Variants in ADPRHL1 observed in about 807,000 individuals in gnomAD.
The protein encoded by ADPRHL1 is inactive ADP-ribosyltransferase ARH2.
A neutral mutation model predicts 44.1 loss-of-function variants in ADPRHL1; 43 were observed. That is an observed-to-expected ratio of 0.98 (90% CI 0.76 to 1.26). The LOEUF is 1.26. Ranked by LOEUF, ADPRHL1 falls within the 50% of genes most tolerant of loss-of-function variation. ADPRHL1 has a pLI of 0.00. For missense variants in ADPRHL1, 2,022 were observed against 2,496.9 expected (o/e 0.81, Z 4.05); for synonymous variants, 878 against 1,017.4 (o/e 0.86, Z 2.61).
At chr13:113,411,921 C>T (rs894262926) in intron 7 of ADPRHL1, among the ~76,000 whole-genome samples, 2 of 152,228 alleles carry the variant, frequency 1.3e-5, no homozygotes, top group African/African-American at 4.8e-5. Context: ...CCTGGGCTGC[C>T]CCTTCTCGTC....
At chr13:113,419,642 C>T (rs753602734) in intron 7 of ADPRHL1, among the ~76,000 whole-genome samples, 1 of 152,086 alleles carries the variant, frequency 6.6e-6, no homozygotes, top group Non-Finnish European at 1.5e-5. Flanking sequence ...TTGCAAATGC[C>T]ACTCACGCGA....
chr13:113,449,382 T>C (rs1333424316), intron 1 of ADPRHL1: 1 of 226,300 alleles, frequency 4.4e-6, no homozygotes, highest in South Asian at 1.3e-4. Context: ...AGGGACCCTG[T>C]TCAGAGAGGC....
rs533507871 is a variant in ADPRHL1 at position 113,429,071 on chromosome 13, G to T, written c.527C>A (p.Thr176Lys). 1.9e-6 allele frequency: 3 copies of T among 1,611,658 alleles called. No individual in the cohort carries two copies. Among genetic ancestry groups the T allele is most frequent in the Non-Finnish European group, 2.5e-6 (3 of 1,179,570 alleles). ...TGCGGCGAACGACACAAACAGGGCCGTGCACAGGGAGCCCAGGAAGCCTGG... is the reference window on the plus strand; with the variant it reads ...TGCGGCGAACGACACAAACAGGGCCTTGCACAGGGAGCCCAGGAAGCCTGG... ...HPTGFLGSLC[T>K]ALFVSFAAQG... is the part of the protein sequence containing the mutation. The change falls in exon 4 of 8, where the codon ACG becomes AAG. Residue 176 changes from threonine (T) to lysine (K), a missense_variant. Transcript: ENST00000612156.
rs1327288374 is a variant in ADPRHL1, at chr13:113,441,600, ATTATTT to A, written c.379+2819_379+2824del. Among the ~76,000 whole-genome samples the A allele has an allele frequency of 1.3e-5, 2 of 152,176 alleles. No individual in the cohort carries two copies. The highest frequency in any genetic ancestry group is 4.8e-5 in the African/African-American group (2 of 41,428). On this transcript the variant is annotated intron_variant, in intron 2 of 7. Coordinates refer to ENST00000612156, the MANE Select transcript of ADPRHL1 (RefSeq NM_001394807.1). This position sits in a 1 kb window ranked among gnomAD's most constrained non-coding sequence, Gnocchi z 6.0. ...TATTTTATAAACCATACCGTTCATT[ATTATTT>A]TTAAGTCAATTATCTTTTAAAGATA...
intron 7 of ADPRHL1, chr13:113,421,846 G>C (rs1434250126): frequency 1.3e-5 from 2 of 152,238 alleles, no homozygotes; most frequent in Non-Finnish European, 1.5e-5. Flanking sequence ...TGAGGCTGGG[G>C]CTTCCTCTGG....
Position 113,406,577 on chromosome 13 carries a change from A to C in ADPRHL1, c.2705T>G (p.Leu902Arg), listed in dbSNP as rs1566464516. 8.1e-7 allele frequency: 1 copy of C among 1,231,798 alleles called. No homozygotes were observed. The highest frequency in any genetic ancestry group is 1.0e-6 in the Non-Finnish European group (1 of 987,956). 76.3% of individuals were successfully genotyped at this position (1,231,798 alleles called of 1,614,324 possible). The change falls in exon 8 of 8, where the codon CTG becomes CGG. Residue 902 changes from leucine to arginine, a missense_variant. Physicochemically the swap from Leu to Arg is moderately radical, Grantham distance 102. Coordinates refer to ENST00000612156, the MANE Select transcript of ADPRHL1 (RefSeq NM_001394807.1). ...NRRGHRAPVE[L>R]SKLSGMQAGL... ...CGCCTGCATCCCTGAAAGCTTGCTC[A>C]GTTCCACTGGGGCTCGGTGACCCCT...
chr13:113,437,536 C>G (rs2044070125), intron 2 of ADPRHL1, among the ~76,000 whole-genome samples: 1 of 152,234 alleles, frequency 6.6e-6, no homozygotes, highest in Admixed American at 6.5e-5. Context: ...GTTCCAGGCC[C>G]TGTGTAAACA....
At chr13:113,417,636 C>T (rs559065112) in intron 7 of ADPRHL1, among the ~76,000 whole-genome samples, 80 of 152,362 alleles carry the variant, frequency 5.3e-4, no homozygotes, top group Middle Eastern at 3.4e-3. Flanking sequence ...ACACGAATCC[C>T]GAGACGGTCT....
Position 113,402,195 on chromosome 13 carries a change from G to T in ADPRHL1, c.*1183C>A, listed in dbSNP as rs2043767277. 6.6e-6 allele frequency: 1 copy of T among 152,280 alleles called. No homozygotes were observed. Among genetic ancestry groups the T allele is most frequent in the Admixed American group, 6.5e-5 (1 of 15,292 alleles). 9.4% of individuals were successfully genotyped at this position (152,280 alleles called of 1,614,324 possible). Reference sequence around the variant, plus strand: ...CAGCTGCTCCGGGGCCACTCAGGCAGCCGTGTGGCCTCACGGGTCCGGGTT... The same window carrying T: ...CAGCTGCTCCGGGGCCACTCAGGCATCCGTGTGGCCTCACGGGTCCGGGTT... On this transcript the variant is annotated 3_prime_UTR_variant, in exon 8 of 8. Coordinates refer to ENST00000612156, the MANE Select transcript of ADPRHL1 (RefSeq NM_001394807.1).
chr13:113,445,746 A>C (rs1192184280), intron 1 of ADPRHL1, among the ~76,000 whole-genome samples: 3 of 152,148 alleles, frequency 2.0e-5, no homozygotes, highest in East Asian at 1.9e-4. Flanking sequence ...CATCAGAGCC[A>C]GATGTCCTAG....
Position 113,422,867 on chromosome 13 carries a change from C to T in ADPRHL1, c.1020G>A (p.Glu340=), listed in dbSNP as rs771036040. The T allele has an allele frequency of 1.5e-5, 24 of 1,612,968 alleles. No homozygotes were observed. In the East Asian group the frequency reaches 5.1e-4, roughly 34 times the overall value. Residue 340 remains glutamate, a synonymous_variant, in exon 7 of 8, where the codon GAG becomes GAA. Transcript: ENST00000612156. ...YQDLEDKEKL[E]DLGAALYRLS... is the part of the protein sequence containing the mutation. Reference sequence around the variant, plus strand: ...GGCGGTAGAGAGCCGCGCCCAGGTCCTCCAGCTTCTCCTTGTCCTCCAGGT... The same window carrying T: ...GGCGGTAGAGAGCCGCGCCCAGGTCTTCCAGCTTCTCCTTGTCCTCCAGGT...
intron 2 of ADPRHL1, among the ~76,000 whole-genome samples, chr13:113,439,115 CCTTT>C (rs1439026397): frequency 6.6e-6 from 1 of 152,074 alleles, no homozygotes; most frequent in Non-Finnish European, 1.5e-5. Flanking sequence ...AATTCTCTTT[CCTTT>C]TTTTTTTCTT....
At chr13:113,426,872 G>C (rs1214465070) in intron 4 of ADPRHL1, among the ~76,000 whole-genome samples, 1 of 152,206 alleles carries the variant, frequency 6.6e-6, no homozygotes. Context: ...GCTAATTTGT[G>C]AACTGTCCTC....
chr13:113,452,720 A>C (rs182389194), intron 1 of ADPRHL1, among the ~76,000 whole-genome samples: 52 of 152,370 alleles, frequency 3.4e-4, no homozygotes, highest in Non-Finnish European at 7.3e-5. Flanking sequence ...TGATATTCTA[A>C]CTTTAATTCA....
chr13:113,403,956 C>T lies in ADPRHL1; in HGVS notation c.5326G>A (p.Ala1776Thr). The part of the protein sequence containing the change: ...KGAQEWARDR[A>T]RDQGWEQTQI... ...GTCTGCTCCCAGCCCTGATCCCGAG[C>T]CCGATCCCGAGCCCATTCCTGAGCC... The change falls in exon 8 of 8, where the codon GCT becomes ACT. Residue 1776 changes from alanine to threonine, a missense_variant. Ala to Thr is a moderately conservative substitution (Grantham distance 58). Coordinates refer to ENST00000612156, the MANE Select transcript of ADPRHL1 (RefSeq NM_001394807.1). 7.6e-7 allele frequency: 1 copy of T among 1,311,828 alleles called. No homozygotes were observed. The highest frequency in any genetic ancestry group is 2.8e-4 in the Middle Eastern group (1 of 3,536). The allele number at this position is 1,311,828 out of a possible 1,614,324, so 81.3% of individuals were successfully genotyped here. A position where few individuals can be genotyped will look rare whatever the true frequency, so the allele number is the denominator to read the frequency against.
rs893875069 is a variant in ADPRHL1, at chr13:113,406,694, A to C, written c.2588T>G (p.Met863Arg). 8.1e-7 allele frequency: 1 copy of C among 1,231,746 alleles called. No homozygotes were observed. The highest frequency in any genetic ancestry group is 4.2e-5 in the Admixed American group (1 of 23,694). The allele number at this position is 1,231,746 out of a possible 1,614,324, so 76.3% of individuals were successfully genotyped here. The change falls in exon 8 of 8, where the codon ATG (methionine) becomes AGG (arginine). Residue 863 changes from methionine to arginine, a missense_variant. Coordinates refer to ENST00000612156, the MANE Select transcript of ADPRHL1 (RefSeq NM_001394807.1). ...ACAAGGTTTGTTTTCACCACTTGAC[A>C]TATTTTGCAGCCTGGTGGGAGGGGC... ...MPAPPTRLQN[M>R]SSGENKPCIC...
At chr13:113,434,166 A>C (rs2044028907) in intron 2 of ADPRHL1, among the ~76,000 whole-genome samples, 1 of 152,154 alleles carries the variant, frequency 6.6e-6, no homozygotes, top group African/African-American at 2.4e-5. Flanking sequence ...CCCTGTAAAA[A>C]CAGCTTCATT....
In ADPRHL1 at chr13:113,408,193, G is replaced by A. The variant is rs1253606481; in HGVS notation, c.1089C>T (p.Asp363=). The A allele has an allele frequency of 4.7e-5, 58 of 1,231,892 alleles. No individual in the cohort carries two copies. The highest frequency in any genetic ancestry group is 5.0e-5 in the Non-Finnish European group (49 of 987,980). 76.3% of individuals were successfully genotyped at this position (1,231,892 alleles called of 1,614,324 possible). ...ENRKSSKTCS[D]VMSVDAQTLK... ...GGGTTTGGGCGTCCACAGACATGAC[G>A]TCACTGCAGGTCTTGCTGCTCTTCC... The change falls in exon 8 of 8, where the codon GAC becomes GAT. Residue 363 remains aspartate (D), a synonymous_variant. Coordinates refer to ENST00000612156, the MANE Select transcript of ADPRHL1 (RefSeq NM_001394807.1).
Position 113,403,185 on chromosome 13 carries a change from G to A in ADPRHL1, c.*193C>T. The A allele has an allele frequency of 2.3e-6, 1 of 438,586 alleles. No individual in the cohort carries two copies. Among genetic ancestry groups the A allele is most frequent in the Non-Finnish European group, 3.7e-6 (1 of 267,352 alleles). The allele number at this position is 438,586 out of a possible 1,614,324, so 27.2% of individuals were successfully genotyped here. A position where few individuals can be genotyped will look rare whatever the true frequency, so the allele number is the denominator to read the frequency against. On this transcript the variant is annotated 3_prime_UTR_variant, in exon 8 of 8. Coordinates refer to ENST00000612156, the MANE Select transcript of ADPRHL1 (RefSeq NM_001394807.1). ...ACCCCCATGGCCTCGTGGCTCTGTGGGGTGACAGGAACCCGACCCACATGT... is the reference window on the plus strand; with the variant it reads ...ACCCCCATGGCCTCGTGGCTCTGTGAGGTGACAGGAACCCGACCCACATGT...
Sources: allele counts gnomAD v4.1 joint callset (sites outside exome capture counted in the v4.1 genomes callset), GRCh38; gene constraint gnomAD v4.1.1; non-coding constraint Gnocchi (gnomAD v3.1); transcripts MANE v1.5; gene names NCBI Gene and HGNC (gene_info 2026-07-23, HGNC 2026-07-21).